Variants in TNKS observed in about 807,000 individuals in gnomAD.
TNKS encodes poly [ADP-ribose] polymerase tankyrase-1.
A neutral mutation model predicts 135.8 loss-of-function variants in TNKS; 72 were observed. That is an observed-to-expected ratio of 0.53 (90% CI 0.44 to 0.64). The LOEUF (loss-of-function observed/expected upper bound fraction) is 0.64, where lower values mean the gene tolerates loss of function less well. Among genes scored for constraint, TNKS ranks in the 30% least tolerant of loss-of-function variants. The pLI is 0.00. For missense variants in TNKS, 1,769 were observed against 1,674.0 expected, an observed-to-expected ratio of 1.06 and a Z score of -0.99; for synonymous variants, 849 against 649.3, an observed-to-expected ratio of 1.31 and a Z score of -4.68.
intron 13 of TNKS, 132 bp from the exon 14 acceptor site, chr8:9,730,758 A>T: frequency 9.4e-7 from 1 of 1,067,240 alleles, no homozygotes; most frequent in Non-Finnish European, 1.3e-6. Flanking sequence ...TGTATTGTCT[A>T]ATCTTTGGAA....
rs535715245 is a variant in TNKS, at chr8:9,560,493, C to CT, written c.673+3911dup. Among the ~76,000 whole-genome samples the CT allele has an allele frequency of 5.9e-3, 249 of 42,256 alleles. 15 individuals carry two copies. The highest frequency in any genetic ancestry group is 0.018 in the African/African-American group (148 of 8,290). 27.7% of individuals were successfully genotyped at this position (42,256 alleles called of 152,430 possible). A position where few individuals can be genotyped will look rare whatever the true frequency, so the allele number is the denominator to read the frequency against. Reference sequence around the variant, plus strand: ...GATTTTTCAGCATGGCCATACTTGTCTTTTTTTTTTTTTTTTTTTTTTTTT... The same window carrying CT: ...GATTTTTCAGCATGGCCATACTTGTCTTTTTTTTTTTTTTTTTTTTTTTTTT... On this transcript the variant is annotated intron_variant, in intron 1 of 26. Coordinates refer to ENST00000310430, the MANE Select transcript of TNKS (RefSeq NM_003747.3).
intron 3 of TNKS, among the ~76,000 whole-genome samples, chr8:9,652,555 A>G (rs1036538532): frequency 1.3e-5 from 2 of 152,202 alleles, no homozygotes; most frequent in Admixed American, 6.5e-5. Flanking sequence ...ATGTTTTCTT[A>G]TAAAGTTAGT....
Position 9,761,567 on chromosome 8 carries a change from G to C in TNKS, c.3205G>C (p.Gly1069Arg). Residue 1069 changes from glycine (G) to arginine (R), a missense_variant, in exon 21 of 27, where the codon GGC (glycine) becomes CGC (arginine). This residue lies in a region of TNKS where 722 missense variants were observed against 688.9 expected (regional missense o/e 1.05). Transcript: ENST00000310430. ...DMGHEELKEI[G>R]INAYGHRHKL... ...GGGTCATGAAGAGTTGAAAGAAATA[G>C]GCATCAATGCATATGGGCACCGCCA... 6.2e-7 allele frequency: 1 copy of C among 1,611,474 alleles called. No homozygotes were observed. Among genetic ancestry groups the C allele is most frequent in the Non-Finnish European group, 8.5e-7 (1 of 1,179,364 alleles).
rs377733360 is a variant in TNKS at position 9,708,296 on chromosome 8, C to T, written c.1457-75C>T. On this transcript the variant is annotated intron_variant, in intron 8 of 26. Transcript: ENST00000310430. ...AATTCATAAAATAATAATATTCCTACTTATTTATAATCATGCTGAAGATTT... is the reference window on the plus strand; with the variant it reads ...AATTCATAAAATAATAATATTCCTATTTATTTATAATCATGCTGAAGATTT... 55 of 1,233,932 alleles carry T rather than the reference C, an allele frequency of 4.5e-5. 1 individual carries two copies. The East Asian group carries it at 8.2e-4, about 18-fold the overall frequency. 76.4% of individuals were successfully genotyped at this position (1,233,932 alleles called of 1,614,324 possible).
At chr8:9,564,073 A>C (rs932858507) in intron 1 of TNKS, among the ~76,000 whole-genome samples, 4 of 152,168 alleles carry the variant, frequency 2.6e-5, no homozygotes, top group Non-Finnish European at 4.4e-5. Flanking sequence ...AAACATCATC[A>C]TTTTATACCT....
intron 13 of TNKS, 67 bp from the exon 14 acceptor site, chr8:9,730,823 G>T: frequency 1.3e-6 from 2 of 1,541,238 alleles, no homozygotes; most frequent in Non-Finnish European, 8.8e-7. Context: ...GAACTATTTT[G>T]GGGCAAAACC....
chr8:9,733,608 C>CT (rs1805551272), intron 15 of TNKS, among the ~76,000 whole-genome samples, 164 bp downstream of exon 15: 1 of 152,138 alleles, frequency 6.6e-6, no homozygotes, highest in Admixed American at 6.6e-5. Context: ...TGACACATAG[C>CT]TTTGCGTAGT....
chr8:9,722,889 A>C (rs1176832407), intron 12 of TNKS, among the ~76,000 whole-genome samples: 1 of 152,172 alleles, frequency 6.6e-6, no homozygotes, highest in Non-Finnish European at 1.5e-5. Flanking sequence ...GATCCATATA[A>C]TACTTTTAAA....
In TNKS at chr8:9,752,598, A is replaced by C. The variant is rs1806602830; in HGVS notation, c.3125A>C (p.His1042Pro). 1.3e-5 allele frequency: 21 copies of C among 1,612,914 alleles called. No individual in the cohort carries two copies. Among genetic ancestry groups the C allele is most frequent in the Non-Finnish European group, 1.8e-5 (21 of 1,179,298 alleles). Residue 1042 changes from histidine (H) to proline (P), a missense_variant, in exon 20 of 27, where the codon CAC (histidine) becomes CCC (proline). By Grantham distance (77) the His-to-Pro change is moderately conservative. Transcript: ENST00000310430. Reference sequence around the variant, plus strand: ...TTTCTAAAAAGCCTTGGCCTTGAACACCTTCGGGATATCTTTGAAACAGAA... The same window carrying C: ...TTTCTAAAAAGCCTTGGCCTTGAACCCCTTCGGGATATCTTTGAAACAGAA... ...SQFLKSLGLEHLRDIFETEQI... is the reference protein window; with the variant it reads ...SQFLKSLGLEPLRDIFETEQI...
chr8:9,692,136 G>A (rs1480984674), intron 5 of TNKS, among the ~76,000 whole-genome samples: 6 of 152,078 alleles, frequency 3.9e-5, no homozygotes, highest in Non-Finnish European at 7.3e-5. Context: ...CTGAGGCTTG[G>A]CTTACGAATG....
intron 26 of TNKS, among the ~76,000 whole-genome samples, chr8:9,771,565 G>GAGAGAGGAAGGA (rs1491559955): frequency 4.4e-5 from 6 of 136,686 alleles, no homozygotes; most frequent in Admixed American, 1.4e-4. Context: ...GGGAGAAAGC[G>GAGAGAGGAAGGA]AGAGAGGAAG....
intron 26 of TNKS, among the ~76,000 whole-genome samples, chr8:9,771,746 G>C: frequency 1.0e-5 from 1 of 100,392 alleles, no homozygotes; most frequent in Non-Finnish European, 2.0e-5. Context: ...AGAAAGGAAG[G>C]ATTGGAGGAA....
At chr8:9,556,818 T>G in intron 1 of TNKS, 16 of 573,656 alleles carry the variant, frequency 2.8e-5, no homozygotes, top group East Asian at 3.2e-5. Flanking sequence ...ATCCAAGGAA[T>G]TCTTCAGTGG....
chr8:9,588,810 C>G (rs879669281), intron 2 of TNKS, among the ~76,000 whole-genome samples: 1 of 152,166 alleles, frequency 6.6e-6, no homozygotes, highest in Non-Finnish European at 1.5e-5. Flanking sequence ...TGTTCCATCT[C>G]TAATGAGCTG....
intron 3 of TNKS, among the ~76,000 whole-genome samples, chr8:9,667,546 C>G (rs1287594847): frequency 6.6e-6 from 1 of 152,210 alleles, no homozygotes; most frequent in African/African-American, 2.4e-5. Context: ...AGGCATGTGA[C>G]TGCTTTTTGA....
intron 18 of TNKS, among the ~76,000 whole-genome samples, chr8:9,751,328 G>T (rs1235690127): frequency 6.6e-6 from 1 of 152,154 alleles, no homozygotes; most frequent in Non-Finnish European, 1.5e-5. Flanking sequence ...AGTAAACACA[G>T]AAATTTTTTC....
At chr8:9,623,832 T>C (rs1799956198) in intron 3 of TNKS, among the ~76,000 whole-genome samples, 2 of 151,948 alleles carry the variant, frequency 1.3e-5, no homozygotes, top group African/African-American at 4.8e-5. Context: ...TGAAACCCCG[T>C]CTCTACCAAA....
intron 1 of TNKS, among the ~76,000 whole-genome samples, chr8:9,579,887 T>C (rs1358398843): frequency 6.6e-6 from 1 of 152,244 alleles, no homozygotes; most frequent in Non-Finnish European, 1.5e-5. Flanking sequence ...ATATTTATTT[T>C]GTGTTTCTAG....
rs571999651 is a variant in TNKS at position 9,661,699 on chromosome 8, A to G, written c.995-18252A>G. ...GCAAGGACTTCATGTCTAAAACACC[A>G]AAAGCAATGGCAACAAAAGTCAAAA... On this transcript the variant is annotated intron_variant, in intron 3 of 26. Coordinates refer to ENST00000310430, the MANE Select transcript of TNKS (RefSeq NM_003747.3). 1.8e-4 allele frequency among the ~76,000 whole-genome samples: 27 copies of G among 152,358 alleles called. No homozygotes were observed. In the East Asian group the frequency reaches 4.2e-3, roughly 24 times the overall value.
Sources: allele counts gnomAD v4.1 joint callset (sites outside exome capture counted in the v4.1 genomes callset), GRCh38; gene constraint gnomAD v4.1.1; regional missense constraint gnomAD v4.1.1; transcripts MANE v1.5; gene names NCBI Gene and HGNC (gene_info 2026-07-23, HGNC 2026-07-21).